The following OXR1 variants were observed in gnomAD, a reference collection of about 807,000 sequenced individuals.
The protein encoded by OXR1 is oxidation resistance protein 1.
OXR1 carries 41 observed loss-of-function variants against 104.6 expected under a neutral mutation model. That is an observed-to-expected ratio of 0.39 (90% confidence interval 0.31 to 0.51). The LOEUF (loss-of-function observed/expected upper bound fraction) is 0.51, where lower values mean the gene tolerates loss of function less well. Ranked by LOEUF, OXR1 falls within the 20% of genes least tolerant of loss-of-function variation. The pLI, the probability that OXR1 is intolerant of heterozygous loss-of-function variation, is 0.77. For missense variants in OXR1, 955 were observed against 1,031.9 expected, an observed-to-expected ratio of 0.93 and a Z score of 1.02; for synonymous variants, 348 against 348.4, an observed-to-expected ratio of 1.00 and a Z score of 0.01.
intron 2 of OXR1, among the ~76,000 whole-genome samples, chr8:106,374,336 T>C (rs1430503950): frequency 6.6e-6 from 1 of 152,242 alleles, no homozygotes; most frequent in Non-Finnish European, 1.5e-5. Flanking sequence ...TTTTTAATGA[T>C]TACATTTTCT....
intron 2 of OXR1, among the ~76,000 whole-genome samples, chr8:106,450,640 C>T (rs1052523863): frequency 1.3e-5 from 2 of 152,112 alleles, no homozygotes; most frequent in Non-Finnish European, 2.9e-5. Flanking sequence ...CCTTGTAGTG[C>T]CAACTAGCAT....
At chr8:106,447,975 GC>G (rs1820089615) in intron 2 of OXR1, 1 of 1,534,974 alleles carries the variant, frequency 6.5e-7, no homozygotes, top group Non-Finnish European at 8.7e-7. Context: ...GATCAGATCC[GC>G]CCCGGCTCCC....
At chr8:106,450,996 G>A (rs896140572) in intron 2 of OXR1, among the ~76,000 whole-genome samples, 2 of 152,068 alleles carry the variant, frequency 1.3e-5, no homozygotes, top group Admixed American at 6.6e-5. Context: ...ATTGGGAACC[G>A]AGAAAGGATA....
intron 12 of OXR1, among the ~76,000 whole-genome samples, chr8:106,738,153 A>AT (rs1022331923): frequency 4.5e-4 from 68 of 149,668 alleles, no homozygotes; most frequent in East Asian, 1.9e-3. Context: ...AATCTTTGTG[A>AT]TTTTTTTTTT....
chr8:106,339,850 G>A (rs6469060), intron 1 of OXR1, among the ~76,000 whole-genome samples: 3 of 151,700 alleles, frequency 2.0e-5, no homozygotes, highest in Non-Finnish European at 4.4e-5. Flanking sequence ...AGGCAGAGAC[G>A]TTTAGCTTTT....
intron 2 of OXR1, among the ~76,000 whole-genome samples, chr8:106,438,625 G>A (rs1257530359): frequency 6.6e-6 from 1 of 152,006 alleles, no homozygotes; most frequent in Non-Finnish European, 1.5e-5. Context: ...TTTATCATCT[G>A]TAAAATGGGG....
intron 1 of OXR1, among the ~76,000 whole-genome samples, chr8:106,307,081 G>C (rs1158397713): frequency 6.6e-6 from 1 of 152,050 alleles, no homozygotes; most frequent in Non-Finnish European, 1.5e-5. Context: ...ATCAACAATT[G>C]GGAAAAGAAG....
At chr8:106,455,270 C>T (rs1337012076) in intron 2 of OXR1, among the ~76,000 whole-genome samples, 1 of 152,182 alleles carries the variant, frequency 6.6e-6, no homozygotes, top group East Asian at 1.9e-4. Context: ...AAATAAAAAG[C>T]TCACTAACCC....
intron 2 of OXR1, among the ~76,000 whole-genome samples, chr8:106,389,446 T>C (rs1005291605): frequency 6.6e-6 from 1 of 152,220 alleles, no homozygotes; most frequent in Admixed American, 6.5e-5. Flanking sequence ...ATGAATACTA[T>C]ATCCCTACCA....
At chr8:106,307,711 T>C (rs191184214) in intron 1 of OXR1, among the ~76,000 whole-genome samples, 4 of 152,296 alleles carry the variant, frequency 2.6e-5, no homozygotes, top group Admixed American at 2.6e-4. Context: ...TTCCCAGTCA[T>C]ATATTTAAAA....
chr8:106,557,068 T>TCACA (rs1275583860), intron 3 of OXR1, among the ~76,000 whole-genome samples: 1 of 152,220 alleles, frequency 6.6e-6, no homozygotes, highest in African/African-American at 2.4e-5. Flanking sequence ...CTTTTTCTTC[T>TCACA]CACACATAAT....
chr8:106,323,448 C>G (rs1426941772), intron 1 of OXR1, among the ~76,000 whole-genome samples: 1 of 152,006 alleles, frequency 6.6e-6, no homozygotes, highest in Non-Finnish European at 1.5e-5. Flanking sequence ...CACATAGGAG[C>G]AAGCAAAGAT....
At chr8:106,462,901 G>A (rs1820985743) in intron 2 of OXR1, among the ~76,000 whole-genome samples, 2 of 152,088 alleles carry the variant, frequency 1.3e-5, no homozygotes, top group Admixed American at 6.6e-5. Flanking sequence ...TTCAGTAATA[G>A]TAAGTGAAAC....
chr8:106,503,779 A>G (rs1410069084), intron 2 of OXR1, among the ~76,000 whole-genome samples: 1 of 152,220 alleles, frequency 6.6e-6, no homozygotes, highest in Non-Finnish European at 1.5e-5. Flanking sequence ...CTGGCCTGAA[A>G]GAGTCTTGGA....
In OXR1 at chr8:106,494,846, T is replaced by G. The variant is rs148635294; in HGVS notation, c.24-24097T>G. Among the ~76,000 whole-genome samples the G allele has an allele frequency of 5.9e-5, 9 of 152,332 alleles. No homozygotes were observed. The East Asian group carries it at 1.7e-3, about 29-fold the overall frequency. ...ACACGCTGTGGTGTCCCATTCTGCC[T>G]TTTAAATCTCTGTGTAATACTTTTT... On this transcript the variant is annotated intron_variant, in intron 2 of 16. Coordinates refer to ENST00000517566, the MANE Select transcript of OXR1 (RefSeq NM_001198533.2).
intron 3 of OXR1, among the ~76,000 whole-genome samples, chr8:106,576,998 AC>A (rs1281848658): frequency 1.3e-5 from 2 of 152,194 alleles, no homozygotes. Context: ...GTAACTTTCA[AC>A]TACCTTTACT....
chr8:106,320,066 CTA>C (rs1169149417), intron 1 of OXR1, among the ~76,000 whole-genome samples: 4 of 152,180 alleles, frequency 2.6e-5, no homozygotes, highest in Non-Finnish European at 4.4e-5. Flanking sequence ...GCAGTGGTAA[CTA>C]TGATTGACAT....
At position 106,359,439 on chromosome 8, in the gene OXR1, G is replaced by T. The variant is rs186924377; in HGVS notation, c.-138-37G>T. On this transcript the variant is annotated intron_variant, in intron 1 of 16. Transcript: ENST00000517566. ...AATCTGTGACAAACCACATAGACCAGGTACTAGAGATATTCATTTATTTCT... is the reference window on the plus strand; with the variant it reads ...AATCTGTGACAAACCACATAGACCATGTACTAGAGATATTCATTTATTTCT... 409 of 579,278 alleles carry T rather than the reference G, an allele frequency of 7.1e-4. 1 individual carries two copies. The highest frequency in any genetic ancestry group is 5.7e-3 in the African/African-American group (308 of 53,704). The allele number at this position is 579,278 out of a possible 1,614,324, so 35.9% of individuals were successfully genotyped here.
At chr8:106,604,944 A>G (rs777081586) in intron 3 of OXR1, 1 of 152,190 alleles carries the variant, frequency 6.6e-6, no homozygotes, top group Non-Finnish European at 1.5e-5. Flanking sequence ...TCTTTTCACA[A>G]AAGATTTGAG....
Sources: gnomAD v4.1 joint callset for allele counts (sites outside exome capture counted in the v4.1 genomes callset) on GRCh38, gnomAD v4.1.1 for gene constraint, MANE v1.5 for transcripts, NCBI Gene and HGNC (gene_info 2026-07-23, HGNC 2026-07-21) for gene names.